Variants in PNLIPRP1 observed in about 807,000 individuals in gnomAD.
PNLIPRP1 encodes pancreatic lipase related protein 1, also known as inactive pancreatic lipase-related protein 1.
PNLIPRP1 carries 57 observed loss-of-function variants against 54.6 expected under a neutral mutation model. That is an observed-to-expected ratio of 1.04 (90% CI 0.84 to 1.30). PNLIPRP1 has a LOEUF of 1.30. PNLIPRP1 is among the 50% of genes most tolerant of loss of function. The probability of loss-of-function intolerance (pLI) is 0.00; values close to 1 mark genes in which losing one functional copy is unlikely to be tolerated. For missense variants in PNLIPRP1, 567 were observed against 568.5 expected (o/e 1.00, Z 0.03); for synonymous variants, 232 against 208.8 (o/e 1.11, Z -0.96).
chr10:116,600,285 T>C (rs1429542205), intron 9 of PNLIPRP1, 120 bp downstream of exon 9: 11 of 680,964 alleles, frequency 1.6e-5, no homozygotes, highest in Admixed American at 5.0e-5. Context: ...TCAGAGTTCA[T>C]GGTCCTGTGG....
intron 5 of PNLIPRP1, 36 bp downstream of exon 5, chr10:116,594,900 C>T (rs782655364): frequency 6.2e-7 from 1 of 1,610,192 alleles, no homozygotes; most frequent in East Asian, 2.2e-5. Context: ...AGGAGGGAAG[C>T]AGTGCCTGCT....
At position 116,593,925 on chromosome 10, in the gene PNLIPRP1, C is replaced by T. The variant is rs189493854; in HGVS notation, c.331-805C>T. The T allele has an allele frequency of 2.7e-3, 419 of 153,554 alleles. 2 individuals carry two copies. Among genetic ancestry groups the T allele is most frequent in the African/African-American group, 0.01 (399 of 38,536 alleles). 9.5% of individuals were successfully genotyped at this position (153,554 alleles called of 1,614,324 possible). A position where few individuals can be genotyped will look rare whatever the true frequency, so the allele number is the denominator to read the frequency against. On this transcript the variant is annotated intron_variant, in intron 4 of 12. Coordinates refer to ENST00000358834, the MANE Select transcript of PNLIPRP1 (RefSeq NM_006229.4). ...TGAGCTGAGATCGCGCCACTGCACT[C>T]CAGCCTGGGCGACAGAATGAGGCTG...
chr10:116,592,087 T>C, intron 3 of PNLIPRP1, 162 bp downstream of exon 3: 2 of 716,926 alleles, frequency 2.8e-6, no homozygotes, highest in Non-Finnish European at 2.3e-6. Flanking sequence ...AGCAGGTCTT[T>C]AGTAATGTTG....
intron 12 of PNLIPRP1, among the ~76,000 whole-genome samples, chr10:116,607,737 C>T (rs1215562398): frequency 2.0e-5 from 3 of 152,186 alleles, no homozygotes; most frequent in African/African-American, 2.4e-5. Context: ...GAGAGAAGTC[C>T]GTGGTTCTTG....
chr10:116,596,146 C>A, intron 5 of PNLIPRP1, 68 bp from the exon 6 acceptor site: 1 of 1,027,170 alleles, frequency 9.7e-7, no homozygotes, highest in Non-Finnish European at 1.5e-6. Context: ...GGAGTAATAT[C>A]CATTAGGCTG....
chr10:116,603,953 A>C, intron 10 of PNLIPRP1, 77 bp from the exon 11 acceptor site: 3 of 700,994 alleles, frequency 4.3e-6, no homozygotes, highest in Non-Finnish European at 7.2e-6. Context: ...CCTCAGAGTA[A>C]GAGAAGGAGA....
chr10:116,604,172 A>T, intron 11 of PNLIPRP1, 34 bp downstream of exon 11: 1 of 1,147,384 alleles, frequency 8.7e-7, no homozygotes, highest in Non-Finnish European at 1.3e-6. Context: ...GTCTCATTTG[A>T]TGATATACAC....
rs782278062 is a variant in PNLIPRP1, at chr10:116,600,053, G to A, written c.821G>A (p.Arg274Gln). ...VDLDGIWAGT[R>Q]DFVACNHLRS... Reference sequence around the variant, plus strand: ...TCCTTATTTGTTTTCCCAGGAACCCGGGACTTTGTGGCTTGCAATCACCTA... The same window carrying A: ...TCCTTATTTGTTTTCCCAGGAACCCAGGACTTTGTGGCTTGCAATCACCTA... The change falls in exon 9 of 13, where the codon CGG (arginine) becomes CAG (glutamine). Residue 274 changes from arginine to glutamine, a missense_variant. By Grantham distance (43) the Arg-to-Gln change is conservative. Transcript: ENST00000358834. 5.0e-6 allele frequency: 8 copies of A among 1,612,508 alleles called. No individual in the cohort carries two copies. Among genetic ancestry groups the A allele is most frequent in the Admixed American group, 1.7e-5 (1 of 59,994 alleles).
intron 6 of PNLIPRP1, 141 bp from the exon 7 acceptor site, chr10:116,597,687 C>A: frequency 1.1e-6 from 1 of 924,718 alleles, no homozygotes; most frequent in Non-Finnish European, 1.6e-6. Context: ...ATATTTAGCA[C>A]CCAAGGCCAT....
chr10:116,592,383 C>T (rs782661198), intron 3 of PNLIPRP1, 33 bp from the exon 4 acceptor site: 10 of 1,559,560 alleles, frequency 6.4e-6, no homozygotes, highest in African/African-American at 2.7e-5. Context: ...GGCTGGGCTG[C>T]GAAAACATGA....
chr10:116,594,171 C>T lies in PNLIPRP1; in HGVS notation c.331-559C>T. ...AAAGATATATCAGCTCCTTTGACATCCAGGAAGACATTTTCCTTCCAGAAT... is the reference window on the plus strand; with the variant it reads ...AAAGATATATCAGCTCCTTTGACATTCAGGAAGACATTTTCCTTCCAGAAT... On this transcript the variant is annotated intron_variant, in intron 4 of 12. Transcript: ENST00000358834. 5.4e-6 allele frequency: 2 copies of T among 368,636 alleles called. 1 individual carries two copies. Among genetic ancestry groups the T allele is most frequent in the African/African-American group, 4.3e-5 (2 of 46,860 alleles). 22.8% of individuals were successfully genotyped at this position (368,636 alleles called of 1,614,324 possible). A position where few individuals can be genotyped will look rare whatever the true frequency, so the allele number is the denominator to read the frequency against.
chr10:116,592,220 C>T, intron 3 of PNLIPRP1, 196 bp from the exon 4 acceptor site: 1 of 670,850 alleles, frequency 1.5e-6, no homozygotes, highest in Non-Finnish European at 2.5e-6. Context: ...AACCACAATC[C>T]AGGCCTAGTG....
chr10:116,597,952 G>C lies in PNLIPRP1; in HGVS notation c.694+5G>C, dbSNP rs183045115. On this transcript the variant is annotated splice_donor_5th_base_variant and intron_variant, in intron 7 of 12. Coordinates refer to ENST00000358834, the MANE Select transcript of PNLIPRP1 (RefSeq NM_006229.4). Reference sequence around the variant, plus strand: ...CTCCCCTGATCCCATTCTTGGGTGAGACCTATGATGCTCCAGCTGTGAGCA... The same window carrying C: ...CTCCCCTGATCCCATTCTTGGGTGACACCTATGATGCTCCAGCTGTGAGCA... 3 of 1,614,168 alleles carry C rather than the reference G, an allele frequency of 1.9e-6. No individual in the cohort carries two copies. Among genetic ancestry groups the C allele is most frequent in the Middle Eastern group, 1.6e-4 (1 of 6,062 alleles).
chr10:116,604,208 G>C (rs879983163), intron 11 of PNLIPRP1, 70 bp downstream of exon 11: 44 of 805,620 alleles, frequency 5.5e-5, no homozygotes, highest in Non-Finnish European at 8.2e-5. Context: ...CACTTAATTT[G>C]AACACTTATC....
chr10:116,594,116 T>C (rs13377135), intron 4 of PNLIPRP1, among the ~76,000 whole-genome samples: 4,890 of 152,282 alleles, frequency 0.032, 253 homozygotes, highest in African/African-American at 0.11. Flanking sequence ...AAATTCAAGC[T>C]GGTAATATGT....
chr10:116,601,819 A>G (rs570838304), intron 10 of PNLIPRP1, among the ~76,000 whole-genome samples: 1 of 152,362 alleles, frequency 6.6e-6, no homozygotes, highest in Non-Finnish European at 1.5e-5. Flanking sequence ...CAGTAAAGAC[A>G]GAGGTTACAT....
intron 4 of PNLIPRP1, chr10:116,594,181 A>AT: frequency 2.7e-6 from 1 of 375,110 alleles, no homozygotes; most frequent in South Asian, 2.0e-5. Flanking sequence ...CCAGGAAGAC[A>AT]TTTTCCTTCC....
In PNLIPRP1 at chr10:116,597,907, T is replaced by A; in HGVS notation, c.654T>A (p.Asp218Glu). 2 of 1,614,248 alleles carry A rather than the reference T, an allele frequency of 1.2e-6. No individual in the cohort carries two copies. The highest frequency in any genetic ancestry group is 8.5e-7 in the Non-Finnish European group (1 of 1,180,044). ...ATCCCTCTGATGCTGACTTTGTTGATGTGATTCACACGGATGCAGCTCCCC... is the reference window on the plus strand; with the variant it reads ...ATCCCTCTGATGCTGACTTTGTTGAAGTGATTCACACGGATGCAGCTCCCC... ...RLDPSDADFV[D>E]VIHTDAAPLI... The change falls in exon 7 of 13, where the codon GAT becomes GAA. Residue 218 changes from aspartate to glutamate, a missense_variant. Asp to Glu is a conservative substitution (Grantham distance 45). Coordinates refer to ENST00000358834, the MANE Select transcript of PNLIPRP1 (RefSeq NM_006229.4).
intron 6 of PNLIPRP1, 94 bp from the exon 7 acceptor site, chr10:116,597,734 T>C: frequency 7.0e-7 from 1 of 1,419,050 alleles, no homozygotes; most frequent in South Asian, 1.3e-5. Context: ...ACCCATTGAG[T>C]TGGGCAGTGC....
Sources: gnomAD v4.1 joint callset for allele counts (sites outside exome capture counted in the v4.1 genomes callset) on GRCh38, gnomAD v4.1.1 for gene constraint, MANE v1.5 for transcripts, NCBI Gene and HGNC (gene_info 2026-07-23, HGNC 2026-07-21) for gene names.